XPO7: variants seen among roughly 807,000 people sequenced by gnomAD.
XPO7 encodes exportin-7.
XPO7 carries 21 observed loss-of-function variants against 144.3 expected under a neutral mutation model. The observed-to-expected ratio is 0.15, with a 90% CI of 0.10 to 0.21. The LOEUF (loss-of-function observed/expected upper bound fraction) is 0.21. XPO7 is among the 10% of genes least tolerant of loss of function. XPO7 has a pLI of 1.00. For synonymous variants in XPO7, 580 were observed against 499.6 expected (o/e 1.16, Z -2.15); for missense variants, 808 against 1,325.8 (o/e 0.61, Z 6.06).
chr8:21,996,912 G>A (rs995780330), intron 21 of XPO7, among the ~76,000 whole-genome samples: 16 of 152,222 alleles, frequency 1.1e-4, no homozygotes, highest in Admixed American at 3.9e-4. Flanking sequence ...GGGTTCAAGC[G>A]ATTCTCCTGC....
Position 21,977,968 on chromosome 8 carries a change from A to T in XPO7, c.837+125A>T, listed in dbSNP as rs1476165760. ...AAAGCATAGAAATACTAGGCTAGTT[A>T]TCTAGTCTTTTGAGATTAAGCTTGT... On this transcript the variant is annotated intron_variant, in intron 8 of 27. Coordinates refer to ENST00000252512, the MANE Select transcript of XPO7 (RefSeq NM_015024.5). 3.7e-5 allele frequency: 29 copies of T among 776,208 alleles called. No homozygotes were observed. In the East Asian group the frequency reaches 6.2e-4, roughly 17 times the overall value. The allele number at this position is 776,208 out of a possible 1,614,324, so 48.1% of individuals were successfully genotyped here.
At chr8:21,947,017 T>G (rs1424022701) in intron 1 of XPO7, among the ~76,000 whole-genome samples, 1 of 152,218 alleles carries the variant, frequency 6.6e-6, no homozygotes, top group Non-Finnish European at 1.5e-5. Context: ...CAGCACATCT[T>G]TACTTAAGGA....
chr8:21,919,985 C>T (rs1395168999), intron 1 of XPO7, among the ~76,000 whole-genome samples, 197 bp downstream of exon 1: 1 of 151,762 alleles, frequency 6.6e-6, no homozygotes, highest in Non-Finnish European at 1.5e-5. Flanking sequence ...TTCTCCGTCC[C>T]CTCCCACCCG....
Position 21,982,565 on chromosome 8 carries a change from C to T in XPO7, c.1105-75C>T, listed in dbSNP as rs544685220. ...TTAAAAAAAAGAAAAAAGTCTTTATCTTCTGTGTCAGTGGCATGGGACTAA... is the reference window on the plus strand; with the variant it reads ...TTAAAAAAAAGAAAAAAGTCTTTATTTTCTGTGTCAGTGGCATGGGACTAA... On this transcript the variant is annotated intron_variant, in intron 10 of 27. Coordinates refer to ENST00000252512, the MANE Select transcript of XPO7 (RefSeq NM_015024.5). 4.1e-6 allele frequency: 6 copies of T among 1,470,038 alleles called. No homozygotes were observed. In the South Asian group the frequency reaches 5.8e-5, roughly 14 times the overall value. The allele number at this position is 1,470,038 out of a possible 1,614,324, so 91.1% of individuals were successfully genotyped here.
Position 22,003,361 on chromosome 8 carries a change from A to G in XPO7, c.3042+44A>G, listed in dbSNP as rs372839736. The G allele has an allele frequency of 2.2e-5, 33 of 1,486,190 alleles. No homozygotes were observed. The African/African-American group carries it at 4.0e-4, about 18-fold the overall frequency. 92.1% of individuals were successfully genotyped at this position (1,486,190 alleles called of 1,614,324 possible). A position where few individuals can be genotyped will look rare whatever the true frequency, so the allele number is the denominator to read the frequency against. On this transcript the variant is annotated intron_variant, in intron 26 of 27. Coordinates refer to ENST00000252512, the MANE Select transcript of XPO7 (RefSeq NM_015024.5). ...TGGTGCCAACCCAGAAGCAGTGGCA[A>G]CCACGCACTTGGTATCACCAAGCCC...
At chr8:21,981,425 TTTA>T (rs1422363710) in intron 9 of XPO7, among the ~76,000 whole-genome samples, 2 of 152,212 alleles carry the variant, frequency 1.3e-5, no homozygotes, top group African/African-American at 4.8e-5. Flanking sequence ...TATAATGAGC[TTTA>T]CAGCCTCAGT....
chr8:22,000,979 A>G (rs1008025067), intron 24 of XPO7, among the ~76,000 whole-genome samples: 2 of 152,088 alleles, frequency 1.3e-5, no homozygotes, highest in Non-Finnish European at 2.9e-5. Flanking sequence ...AGTACAGTCC[A>G]ATCAAGGTAT....
At chr8:21,993,915 GTCTC>G (rs146886015) in intron 19 of XPO7, among the ~76,000 whole-genome samples, 30 of 140,968 alleles carry the variant, frequency 2.1e-4, no homozygotes, top group South Asian at 4.6e-4. Flanking sequence ...TCTTTGCCGT[GTCTC>G]TCTCTCTCTC....
chr8:22,004,691 G>A (rs183385299), intron 27 of XPO7, among the ~76,000 whole-genome samples: 4 of 152,094 alleles, frequency 2.6e-5, no homozygotes, highest in Admixed American at 2.6e-4. Flanking sequence ...TGGTCTTGCT[G>A]CATTAAGAAA....
At chr8:21,973,020 G>C (rs1812116703) in intron 5 of XPO7, among the ~76,000 whole-genome samples, 1 of 151,942 alleles carries the variant, frequency 6.6e-6, no homozygotes, top group Non-Finnish European at 1.5e-5. Flanking sequence ...TTTATTCTCA[G>C]AACAGTCATA....
At chr8:21,975,779 G>T (rs1162706064) in intron 6 of XPO7, among the ~76,000 whole-genome samples, 1 of 152,182 alleles carries the variant, frequency 6.6e-6, no homozygotes, top group Admixed American at 6.5e-5. Flanking sequence ...AGTCACGGAG[G>T]CTCAGCTGGT....
Position 21,976,358 on chromosome 8 carries a change from T to A in XPO7, c.600T>A (p.Ala200=). ...TCATTATGTGGTAATTTTTACAGGC[T>A]TCAGGAAAGAATCTAAACTTGAATG... ...FTLSCNLLKQ[A]SGKNLNLNDE... is the part of the protein sequence containing the mutation. Residue 200 remains alanine, a splice_region_variant and synonymous_variant, in exon 7 of 28, where the codon GCT becomes GCA. Coordinates refer to ENST00000252512, the MANE Select transcript of XPO7 (RefSeq NM_015024.5). The A allele has an allele frequency of 6.2e-7, 1 of 1,613,292 alleles. No homozygotes were observed. Among genetic ancestry groups the A allele is most frequent in the Non-Finnish European group, 8.5e-7 (1 of 1,179,484 alleles).
chr8:21,969,246 C>G (rs1811976437), intron 2 of XPO7, among the ~76,000 whole-genome samples: 1 of 152,128 alleles, frequency 6.6e-6, no homozygotes, highest in Non-Finnish European at 1.5e-5. Context: ...GTATTAGATT[C>G]AGCTTGATCA....
At chr8:21,923,007 C>G (rs538536884) in intron 1 of XPO7, among the ~76,000 whole-genome samples, 1 of 152,038 alleles carries the variant, frequency 6.6e-6, no homozygotes. Context: ...TGCAAAAAGT[C>G]GGCCTGATTA....
At chr8:21,925,771 C>G (rs2117237758) in intron 1 of XPO7, among the ~76,000 whole-genome samples, 1 of 152,290 alleles carries the variant, frequency 6.6e-6, no homozygotes, top group East Asian at 1.9e-4. Flanking sequence ...TCCTTGTATT[C>G]TCTCCCCAAT....
chr8:21,972,176 C>CT (rs879403891), intron 5 of XPO7, among the ~76,000 whole-genome samples: 7,582 of 144,706 alleles, frequency 0.052, 643 homozygotes, highest in African/African-American at 0.18. Context: ...TCCATCTTAG[C>CT]TTTTTTTTTT....
chr8:21,940,366 A>G (rs1810950379), intron 1 of XPO7, among the ~76,000 whole-genome samples: 1 of 152,242 alleles, frequency 6.6e-6, no homozygotes, highest in Non-Finnish European at 1.5e-5. Context: ...AAGAAATGAT[A>G]GAATTAAAGT....
chr8:21,983,896 C>T (rs951358975), intron 11 of XPO7, among the ~76,000 whole-genome samples: 2 of 152,240 alleles, frequency 1.3e-5, no homozygotes, highest in South Asian at 2.1e-4. Flanking sequence ...TGCAGTGTAA[C>T]AACAGAAGAG....
chr8:21,964,327 T>G (rs1811816439), intron 1 of XPO7: 1 of 152,182 alleles, frequency 6.6e-6, no homozygotes, highest in South Asian at 2.1e-4. Flanking sequence ...AGTGCTGTGG[T>G]GTGTAGTCGG....
Sources: allele counts gnomAD v4.1 joint callset (sites outside exome capture counted in the v4.1 genomes callset), GRCh38; gene constraint gnomAD v4.1.1; transcripts MANE v1.5; gene names NCBI Gene and HGNC (gene_info 2026-07-23, HGNC 2026-07-21).